RGS22: variants seen among roughly 807,000 people sequenced by gnomAD.
RGS22 encodes the protein regulator of G protein signaling 22, also known as regulator of G-protein signaling 22.
Under a neutral mutation model 172.9 loss-of-function variants are expected in RGS22, and 148 were observed. That is an observed-to-expected ratio of 0.86 (90% CI 0.75 to 0.98). The LOEUF (loss-of-function observed/expected upper bound fraction) is 0.98, where lower values mean the gene tolerates loss of function less well. Among genes scored for constraint, RGS22 ranks in the 50% least tolerant of loss-of-function variants. The pLI is 0.00. For synonymous variants in RGS22, 458 were observed against 480.2 expected (o/e 0.95, Z 0.60); for missense variants, 1,347 against 1,440.8 (o/e 0.93, Z 1.05).
intron 2 of RGS22, 102 bp downstream of exon 2, chr8:100,105,272 G>C (rs1813834647): frequency 5.4e-6 from 5 of 933,144 alleles, no homozygotes; most frequent in Non-Finnish European, 8.6e-6. Context: ...CAAAACTCTG[G>C]CAAAAAGGAG....
intron 20 of RGS22, among the ~76,000 whole-genome samples, chr8:99,990,481 T>C (rs1203052067): frequency 1.3e-5 from 2 of 152,128 alleles, no homozygotes; most frequent in Non-Finnish European, 2.9e-5. Context: ...ACCCAGTCTT[T>C]AGCTGAACGA....
intron 5 of RGS22, 109 bp from the exon 6 acceptor site, chr8:100,071,646 G>C: frequency 1.4e-6 from 1 of 702,242 alleles, no homozygotes; most frequent in Non-Finnish European, 2.2e-6. Context: ...CCTCACTCTT[G>C]ATGATGATTT....
intron 9 of RGS22, among the ~76,000 whole-genome samples, chr8:100,062,238 C>T (rs1461940733): frequency 6.6e-6 from 1 of 151,962 alleles, no homozygotes; most frequent in African/African-American, 2.4e-5. Flanking sequence ...ATCCATACAA[C>T]AAACCCCTAA....
At chr8:99,993,526 A>G (rs1813995193) in intron 20 of RGS22, among the ~76,000 whole-genome samples, 2 of 152,196 alleles carry the variant, frequency 1.3e-5, no homozygotes, top group South Asian at 4.1e-4. Flanking sequence ...AGAAATGAAT[A>G]AGTTCCTGGA....
intron 11 of RGS22, among the ~76,000 whole-genome samples, chr8:100,043,233 T>C (rs1820329998): frequency 6.6e-6 from 1 of 152,214 alleles, no homozygotes; most frequent in Non-Finnish European, 1.5e-5. Context: ...CCTGTACCCA[T>C]CCTTACTTCT....
chr8:100,019,030 C>T (rs1243451535), intron 14 of RGS22, among the ~76,000 whole-genome samples: 2 of 151,376 alleles, frequency 1.3e-5, no homozygotes, highest in African/African-American at 4.9e-5. Flanking sequence ...ACTGTCTGTA[C>T]TATTTGGATT....
chr8:100,090,258 C>A (rs1414189655), intron 3 of RGS22, among the ~76,000 whole-genome samples: 2 of 152,114 alleles, frequency 1.3e-5, no homozygotes, highest in Admixed American at 1.3e-4. Flanking sequence ...TAAGATCATG[C>A]TGGTAAGAGT....
chr8:99,982,983 G>A (rs1812710086), intron 21 of RGS22, among the ~76,000 whole-genome samples: 1 of 152,160 alleles, frequency 6.6e-6, no homozygotes, highest in South Asian at 2.1e-4. Flanking sequence ...GTAGTCAGCA[G>A]TGTCTATTAT....
chr8:99,970,593 A>G (rs1187745309), intron 23 of RGS22, among the ~76,000 whole-genome samples: 1 of 152,232 alleles, frequency 6.6e-6, no homozygotes. Context: ...AGATAATACT[A>G]TAAATACCTC....
intron 10 of RGS22, among the ~76,000 whole-genome samples, chr8:100,052,387 C>T (rs535397989): frequency 4.0e-5 from 6 of 150,512 alleles, no homozygotes; most frequent in Admixed American, 6.7e-5. Context: ...CTGCAAGCTC[C>T]GCCTCCCGGA....
chr8:100,085,037 G>A (rs1812063457), intron 3 of RGS22, among the ~76,000 whole-genome samples: 1 of 152,132 alleles, frequency 6.6e-6, no homozygotes, highest in African/African-American at 2.4e-5. Flanking sequence ...AGAAACATAA[G>A]CAGAATGATT....
intron 3 of RGS22, among the ~76,000 whole-genome samples, chr8:100,088,800 G>A (rs1403081967): frequency 1.3e-5 from 2 of 151,904 alleles, no homozygotes; most frequent in Non-Finnish European, 2.9e-5. Flanking sequence ...CCACAATCCG[G>A]TTATAGGACC....
chr8:99,992,375 T>C (rs528460356), intron 20 of RGS22, among the ~76,000 whole-genome samples: 25 of 152,202 alleles, frequency 1.6e-4, no homozygotes, highest in Non-Finnish European at 2.9e-5. Flanking sequence ...GAGACCCATC[T>C]CACATGCAAA....
intron 11 of RGS22, among the ~76,000 whole-genome samples, chr8:100,045,292 G>A (rs759179794): frequency 1.8e-4 from 28 of 151,860 alleles, no homozygotes; most frequent in Non-Finnish European, 3.8e-4. Context: ...GACTACCTTA[G>A]GCTCTATATT....
chr8:100,062,492 TTA>T (rs1810217752), intron 9 of RGS22, 97 bp downstream of exon 9: 1 of 755,228 alleles, frequency 1.3e-6, no homozygotes, highest in East Asian at 2.8e-5. Context: ...TCTTGTCATT[TTA>T]TGTTTCCATA....
chr8:99,988,920 T>A (rs937545793), intron 20 of RGS22, among the ~76,000 whole-genome samples: 1 of 152,244 alleles, frequency 6.6e-6, no homozygotes, highest in Non-Finnish European at 1.5e-5. Context: ...AACAACTATG[T>A]ATTAGACTGG....
chr8:100,017,260 G>C (rs1588982984), intron 14 of RGS22, among the ~76,000 whole-genome samples: 1 of 152,028 alleles, frequency 6.6e-6, no homozygotes, highest in South Asian at 2.1e-4. Flanking sequence ...GGGATTACAA[G>C]CATGAGCCAC....
chr8:99,988,849 GGACA>G (rs1301870508), intron 20 of RGS22, among the ~76,000 whole-genome samples: 6 of 152,022 alleles, frequency 3.9e-5, no homozygotes, highest in Non-Finnish European at 7.4e-5. Context: ...CATGTTCTGT[GGACA>G]AAAAGTTAAG....
chr8:100,045,614 G>T (rs960726033), intron 11 of RGS22, among the ~76,000 whole-genome samples: 1 of 151,950 alleles, frequency 6.6e-6, no homozygotes. Flanking sequence ...GGAAGTATAA[G>T]TTGTTATAAC....
Sources: allele counts gnomAD v4.1 joint callset (sites outside exome capture counted in the v4.1 genomes callset), GRCh38; gene constraint gnomAD v4.1.1; transcripts MANE v1.5; gene names NCBI Gene and HGNC (gene_info 2026-07-23, HGNC 2026-07-21).